Variants in USP32 observed in about 807,000 individuals in gnomAD.
The protein encoded by USP32 is ubiquitin specific peptidase 32, also known as ubiquitin carboxyl-terminal hydrolase 32.
In USP32, 59 loss-of-function variants were observed where a neutral mutation model predicts 204.8. The observed-to-expected ratio is 0.29, with a 90% confidence interval of 0.23 to 0.36. The LOEUF (loss-of-function observed/expected upper bound fraction) is 0.36, where lower values mean the gene tolerates loss of function less well. Among genes scored for constraint, USP32 ranks in the 10% least tolerant of loss-of-function variants. The pLI, the probability that USP32 is intolerant of heterozygous loss-of-function variation, is 1.00. For synonymous variants in USP32, 517 were observed against 678.4 expected (o/e 0.76, Z 3.70); for missense variants, 1,160 against 1,946.4 (o/e 0.60, Z 7.60).
At chr17:60,355,886 GT>G (rs2089062897) in intron 1 of USP32, among the ~76,000 whole-genome samples, 2 of 53,422 alleles carry the variant, frequency 3.7e-5, no homozygotes, top group Admixed American at 2.0e-4. Flanking sequence ...CTGAACCTCT[GT>G]AAAAAAAAAA....
intron 11 of USP32, 104 bp downstream of exon 11, chr17:60,252,277 G>T: frequency 1.1e-6 from 1 of 898,240 alleles, no homozygotes; most frequent in East Asian, 2.9e-5. Context: ...CTATTTTTGA[G>T]AAATAGTTAA....
chr17:60,275,955 TCA>T (rs779260904), intron 5 of USP32, among the ~76,000 whole-genome samples: 19 of 152,150 alleles, frequency 1.2e-4, no homozygotes, highest in Admixed American at 8.5e-4. Context: ...GATAAAATTT[TCA>T]CAGAGGAATA....
intron 22 of USP32, 142 bp from the exon 23 acceptor site, chr17:60,208,970 A>G (rs2084897292): frequency 4.6e-6 from 4 of 866,714 alleles, no homozygotes; most frequent in South Asian, 2.6e-5. Context: ...AAAATATTAA[A>G]TTGAGATGGA....
At chr17:60,398,957 G>T (rs2089917131) in intron 1 of USP32, among the ~76,000 whole-genome samples, 1 of 152,044 alleles carries the variant, frequency 6.6e-6, no homozygotes, top group South Asian at 2.1e-4. Flanking sequence ...CTCCAGCCTG[G>T]GTGACAGAGT....
chr17:60,199,929 C>T (rs757813118), intron 26 of USP32, among the ~76,000 whole-genome samples: 4 of 152,200 alleles, frequency 2.6e-5, no homozygotes, highest in Non-Finnish European at 4.4e-5. Flanking sequence ...GGTGCAGTGG[C>T]TCATGCCTGT....
chr17:60,252,606 G>A (rs1009255552), intron 10 of USP32, among the ~76,000 whole-genome samples, 164 bp from the exon 11 acceptor site: 1 of 152,056 alleles, frequency 6.6e-6, no homozygotes, highest in African/African-American at 2.4e-5. Flanking sequence ...TTGTGGTTTT[G>A]GGGTTTTGTT....
At chr17:60,401,154 C>G (rs1189033663) in intron 1 of USP32, among the ~76,000 whole-genome samples, 5 of 149,160 alleles carry the variant, frequency 3.4e-5, no homozygotes, top group Non-Finnish European at 7.4e-5. Flanking sequence ...AGAGCCAGAC[C>G]CTGTCTAAAA....
At chr17:60,379,668 T>G (rs1260521083) in intron 1 of USP32, among the ~76,000 whole-genome samples, 1 of 152,250 alleles carries the variant, frequency 6.6e-6, no homozygotes, top group Non-Finnish European at 1.5e-5. Context: ...CCTGTAATTA[T>G]AAACTTCAGT....
chr17:60,406,922 C>A (rs1451053708), intron 1 of USP32, among the ~76,000 whole-genome samples: 1 of 152,104 alleles, frequency 6.6e-6, no homozygotes, highest in Non-Finnish European at 1.5e-5. Context: ...ACTTTTGTTT[C>A]TGATCATGAT....
chr17:60,412,487 A>AT (rs1386595243), intron 1 of USP32, among the ~76,000 whole-genome samples: 1 of 150,846 alleles, frequency 6.6e-6, no homozygotes, highest in African/African-American at 2.4e-5. Context: ...GTGAGCTATG[A>AT]TTGCACCACT....
chr17:60,222,918 G>A (rs527616045), intron 14 of USP32, among the ~76,000 whole-genome samples: 158 of 151,882 alleles, frequency 1.0e-3, no homozygotes, highest in Non-Finnish European at 1.8e-3. Flanking sequence ...CTAACCTCAG[G>A]TGATCTGCCC....
chr17:60,247,352 G>C (rs1211556716), intron 11 of USP32, among the ~76,000 whole-genome samples: 2 of 151,564 alleles, frequency 1.3e-5, no homozygotes, highest in African/African-American at 4.9e-5. Context: ...ACTAGTTTTT[G>C]TACTTTGAGT....
chr17:60,345,214 A>T (rs2088757220), intron 2 of USP32, among the ~76,000 whole-genome samples: 1 of 152,214 alleles, frequency 6.6e-6, no homozygotes, highest in Admixed American at 6.5e-5. Context: ...ATAAGAAGCC[A>T]ATCATGGAAA....
At chr17:60,247,051 C>T (rs1000068625) in intron 11 of USP32, among the ~76,000 whole-genome samples, 2 of 152,138 alleles carry the variant, frequency 1.3e-5, no homozygotes, top group African/African-American at 4.8e-5. Flanking sequence ...CCTGTTTGTC[C>T]ATTTTTGCTT....
At chr17:60,333,212 C>A (rs1050283250) in intron 2 of USP32, among the ~76,000 whole-genome samples, 4 of 152,190 alleles carry the variant, frequency 2.6e-5, no homozygotes, top group African/African-American at 9.7e-5. Flanking sequence ...AATCACAAGC[C>A]TTACCAAAAA....
intron 12 of USP32, among the ~76,000 whole-genome samples, chr17:60,227,331 G>A (rs1390574015): frequency 2.7e-5 from 4 of 148,402 alleles, no homozygotes; most frequent in Non-Finnish European, 4.5e-5. Context: ...GTGCAGTGGC[G>A]TGATCTCGGG....
At chr17:60,413,266 C>T (rs1202643607) in intron 1 of USP32, among the ~76,000 whole-genome samples, 1 of 152,124 alleles carries the variant, frequency 6.6e-6, no homozygotes, top group East Asian at 1.9e-4. Flanking sequence ...GGGGTCCACT[C>T]ACCTGGCCCA....
At chr17:60,260,610 T>C (rs944654441) in intron 9 of USP32, among the ~76,000 whole-genome samples, 1 of 151,934 alleles carries the variant, frequency 6.6e-6, no homozygotes, top group African/African-American at 2.4e-5. Context: ...CTATATATAA[T>C]TTTCTATCTA....
intron 1 of USP32, among the ~76,000 whole-genome samples, chr17:60,382,639 G>A (rs2146117764): frequency 6.6e-6 from 1 of 152,326 alleles, no homozygotes; most frequent in Non-Finnish European, 1.5e-5. Flanking sequence ...AGAGCTCTGT[G>A]TGTTGAATTT....
Sources: gnomAD v4.1 joint callset for allele counts (sites outside exome capture counted in the v4.1 genomes callset) on GRCh38, gnomAD v4.1.1 for gene constraint, MANE v1.5 for transcripts, NCBI Gene and HGNC (gene_info 2026-07-23, HGNC 2026-07-21) for gene names.